The following NPNT variants were observed in gnomAD, a reference collection of about 807,000 sequenced individuals.
The protein encoded by NPNT is preosteoblast EGF-like repeat protein with MAM domain.
In NPNT, 45 loss-of-function variants were observed where a neutral mutation model predicts 68.6. That is an observed-to-expected ratio of 0.66 (90% CI 0.52 to 0.84). The LOEUF (loss-of-function observed/expected upper bound fraction) is 0.84, where lower values mean the gene tolerates loss of function less well. Ranked by LOEUF, NPNT falls within the 40% of genes least tolerant of loss-of-function variation. The pLI is 0.00. For synonymous variants in NPNT, 233 were observed against 253.3 expected (o/e 0.92, Z 0.76); for missense variants, 672 against 714.8 (o/e 0.94, Z 0.68).
chr4:105,895,481 C>A lies in NPNT; in HGVS notation c.-172C>A. 1 of 587,352 alleles carries A rather than the reference C, an allele frequency of 1.7e-6. No individual in the cohort carries two copies. The highest frequency in any genetic ancestry group is 3.0e-6 in the Non-Finnish European group (1 of 337,892). The allele number at this position is 587,352 out of a possible 1,614,324, so 36.4% of individuals were successfully genotyped here. On this transcript the variant is annotated 5_prime_UTR_variant, in exon 1 of 12. Coordinates refer to ENST00000379987, the MANE Select transcript of NPNT (RefSeq NM_001033047.3). ...GGGGCTCCGGGCGCCGCGCAGCAGACCTGCTCCGGCCGCGCGCCTCGCCGC... is the reference window on the plus strand; with the variant it reads ...GGGGCTCCGGGCGCCGCGCAGCAGAACTGCTCCGGCCGCGCGCCTCGCCGC...
intron 2 of NPNT, among the ~76,000 whole-genome samples, chr4:105,906,519 C>T (rs1263142940): frequency 2.0e-5 from 3 of 152,134 alleles, no homozygotes; most frequent in Non-Finnish European, 4.4e-5. Context: ...AGATACAGCC[C>T]AGAATATCTA....
intron 1 of NPNT, 101 bp downstream of exon 1, chr4:105,895,824 G>A: frequency 1.9e-6 from 2 of 1,048,350 alleles, no homozygotes; most frequent in Non-Finnish European, 2.8e-6. Context: ...TCAGAGAGGC[G>A]TCTCCTCCAT....
chr4:105,965,894 G>A (rs889892483), intron 10 of NPNT, among the ~76,000 whole-genome samples: 1 of 152,176 alleles, frequency 6.6e-6, no homozygotes, highest in Non-Finnish European at 1.5e-5. Flanking sequence ...AGGTTTGGGG[G>A]AAACTTTGGT....
At chr4:105,954,364 A>C (rs763568669) in intron 8 of NPNT, among the ~76,000 whole-genome samples, 1 of 152,176 alleles carries the variant, frequency 6.6e-6, no homozygotes, top group Non-Finnish European at 1.5e-5. Context: ...TGGTATAAAG[A>C]TTCTGGGGAC....
chr4:105,968,473 A>C (rs554325964), intron 11 of NPNT, among the ~76,000 whole-genome samples: 50 of 152,362 alleles, frequency 3.3e-4, no homozygotes, highest in African/African-American at 1.1e-3. Context: ...TTTCAGCAAG[A>C]AAGCGATGTT....
At chr4:105,903,672 CT>C (rs1726616706) in intron 2 of NPNT, among the ~76,000 whole-genome samples, 1 of 152,084 alleles carries the variant, frequency 6.6e-6, no homozygotes, top group Non-Finnish European at 1.5e-5. Flanking sequence ...GATCTCTCCC[CT>C]ATCACCCACT....
At chr4:105,896,657 A>G (rs560750309) in intron 1 of NPNT, among the ~76,000 whole-genome samples, 1 of 152,124 alleles carries the variant, frequency 6.6e-6, no homozygotes, top group African/African-American at 2.4e-5. Flanking sequence ...CTAGTCCTAA[A>G]GAAAGATGCC....
At chr4:105,896,135 C>CG (rs1338409166) in intron 1 of NPNT, 3 of 185,866 alleles carry the variant, frequency 1.6e-5, no homozygotes, top group East Asian at 3.0e-4. Flanking sequence ...TCCAGGCCCC[C>CG]GGGGGGAGGC....
intron 2 of NPNT, among the ~76,000 whole-genome samples, chr4:105,923,805 G>A (rs1390455318): frequency 6.6e-6 from 1 of 152,022 alleles, no homozygotes; most frequent in Non-Finnish European, 1.5e-5. Context: ...TATCTGCTAA[G>A]GAGAATAGGG....
At chr4:105,928,612 TCAAAAAAAAAAA>T (rs1200547568) in intron 3 of NPNT, among the ~76,000 whole-genome samples, 1 of 67,512 alleles carries the variant, frequency 1.5e-5, no homozygotes, top group Non-Finnish European at 2.5e-5. Flanking sequence ...AAACTCTGTC[TCAAAAAAAAAAA>T]AAAAAAGAAA....
At chr4:105,955,713 T>G (rs1403699962) in intron 8 of NPNT, among the ~76,000 whole-genome samples, 1 of 152,166 alleles carries the variant, frequency 6.6e-6, no homozygotes, top group Non-Finnish European at 1.5e-5. Context: ...TTGTTTTTCT[T>G]GTACATGATT....
At position 105,927,373 on chromosome 4, in the gene NPNT, C is replaced by T. The variant is rs760854138; in HGVS notation, c.210C>T (p.Ile70=). The part of the protein sequence containing the change: ...CQPRCKHGEC[I]GPNKCKCHPG... ...CACGATGCAAACATGGTGAATGTAT[C>T]GGGCCAAACAAGTGCAAGTGTCATC... Residue 70 remains isoleucine (I), a synonymous_variant, in exon 3 of 12, where the codon ATC becomes ATT. Coordinates refer to ENST00000379987, the MANE Select transcript of NPNT (RefSeq NM_001033047.3). 3.3e-5 allele frequency: 53 copies of T among 1,612,748 alleles called. No homozygotes were observed. In the East Asian group the frequency reaches 3.3e-4, roughly 10 times the overall value.
intron 8 of NPNT, among the ~76,000 whole-genome samples, chr4:105,950,022 T>G (rs1302782887): frequency 6.6e-6 from 1 of 152,238 alleles, no homozygotes; most frequent in African/African-American, 2.4e-5. Context: ...CATTAATTCC[T>G]TCAGAGAGGG....
At chr4:105,960,178 C>G (rs1299499377) in intron 10 of NPNT, among the ~76,000 whole-genome samples, 4 of 151,932 alleles carry the variant, frequency 2.6e-5, no homozygotes, top group African/African-American at 9.7e-5. Context: ...CATTTTTTTT[C>G]CTTTTTATAC....
chr4:105,915,833 A>G (rs543375429), intron 2 of NPNT, among the ~76,000 whole-genome samples: 3 of 152,326 alleles, frequency 2.0e-5, no homozygotes, highest in African/African-American at 7.2e-5. Context: ...TCTTTCCACT[A>G]TTCTACTCAA....
intron 5 of NPNT, among the ~76,000 whole-genome samples, chr4:105,939,383 G>A (rs1208758516): frequency 6.6e-6 from 1 of 152,168 alleles, no homozygotes; most frequent in African/African-American, 2.4e-5. Flanking sequence ...GAAGGTCCAT[G>A]TAGCTCAAGT....
rs1465162354 is a variant in NPNT, at chr4:105,895,738, G to A, written c.71+15G>A. On this transcript the variant is annotated intron_variant, in intron 1 of 11. Transcript: ENST00000379987. ...TTCGACGGGAGGTGAGCTGGGCCCCGGGGCGCCCTCTCCTCCTTCCCGCGC... is the reference window on the plus strand; with the variant it reads ...TTCGACGGGAGGTGAGCTGGGCCCCAGGGCGCCCTCTCCTCCTTCCCGCGC... 1.3e-6 allele frequency: 2 copies of A among 1,549,394 alleles called. No homozygotes were observed. Among genetic ancestry groups the A allele is most frequent in the African/African-American group, 1.4e-5 (1 of 73,182 alleles).
intron 2 of NPNT, among the ~76,000 whole-genome samples, chr4:105,920,395 T>TAAAAAAAAAAAAAAAAAAAA (rs11355483): frequency 1.6e-4 from 13 of 79,460 alleles, no homozygotes; most frequent in South Asian, 4.8e-4. Flanking sequence ...GTTACTCTAC[T>TAAAAAAAAAAAAAAAAAAAA]AAAAAAAAAA....
Position 105,912,144 on chromosome 4 carries a change from G to T in NPNT, c.172+14143G>T, listed in dbSNP as rs1455062178. On this transcript the variant is annotated intron_variant, in intron 2 of 11. Coordinates refer to ENST00000379987, the MANE Select transcript of NPNT (RefSeq NM_001033047.3). ...AATACCCAAGTCCAGCCTCCTTACA[G>T]AGAAAAGATCTGGAATTTCTTTTTT... 5 of 1,404,692 alleles carry T rather than the reference G, an allele frequency of 3.6e-6. No individual in the cohort carries two copies. The East Asian group carries it at 7.5e-5, about 21-fold the overall frequency. 87.0% of individuals were successfully genotyped at this position (1,404,692 alleles called of 1,614,324 possible).
Sources: gnomAD v4.1 joint callset for allele counts (sites outside exome capture counted in the v4.1 genomes callset) on GRCh38, gnomAD v4.1.1 for gene constraint, MANE v1.5 for transcripts, NCBI Gene and HGNC (gene_info 2026-07-23, HGNC 2026-07-21) for gene names.